SETBP1: variants seen among roughly 807,000 people sequenced by gnomAD.
SETBP1 encodes the protein SET binding protein 1.
In SETBP1, 9 loss-of-function variants were observed where a neutral mutation model predicts 101.0. That is an observed-to-expected ratio of 0.09 (90% confidence interval 0.05 to 0.16). SETBP1 has a LOEUF of 0.16. Ranked by LOEUF, SETBP1 falls within the 10% of genes least tolerant of loss-of-function variation. SETBP1 has a pLI of 1.00. For missense variants in SETBP1, 1,858 were observed against 2,033.8 expected (o/e 0.91, Z 1.66); for synonymous variants, 818 against 788.5 (o/e 1.04, Z -0.63).
chr18:44,872,289 A>G (rs1021490179), intron 3 of SETBP1: 1 of 152,158 alleles, frequency 6.6e-6, no homozygotes, highest in Admixed American at 6.5e-5. Context: ...TATACAGAAA[A>G]CCATCAGAAA....
chr18:44,976,319 C>T (rs1182586740), intron 4 of SETBP1, among the ~76,000 whole-genome samples: 4 of 152,080 alleles, frequency 2.6e-5, no homozygotes, highest in Non-Finnish European at 5.9e-5. Context: ...AAGCTTGGCT[C>T]GCATTTGAGA....
chr18:44,924,010 GT>G (rs746761493), intron 3 of SETBP1, among the ~76,000 whole-genome samples: 12 of 150,712 alleles, frequency 8.0e-5, no homozygotes, highest in East Asian at 1.9e-4. Flanking sequence ...ACTCCAGTCC[GT>G]TTTTTTTTCC....
At chr18:44,984,832 T>A (rs1568009659) in intron 4 of SETBP1, among the ~76,000 whole-genome samples, 1 of 152,182 alleles carries the variant, frequency 6.6e-6, no homozygotes, top group Non-Finnish European at 1.5e-5. Flanking sequence ...AATTTTAAGT[T>A]TACATAATTC....
intron 2 of SETBP1, among the ~76,000 whole-genome samples, chr18:44,761,818 T>A (rs2070655715): frequency 6.6e-6 from 1 of 152,228 alleles, no homozygotes. Flanking sequence ...TTTTCTTTCC[T>A]TTTTCCTGCT....
intron 2 of SETBP1, among the ~76,000 whole-genome samples, chr18:44,792,748 T>A (rs1357419395): frequency 6.6e-6 from 1 of 152,190 alleles, no homozygotes; most frequent in Non-Finnish European, 1.5e-5. Flanking sequence ...CACCTTTTTT[T>A]CTCTTTCCAA....
At chr18:44,793,647 G>A (rs1053568335) in intron 2 of SETBP1, among the ~76,000 whole-genome samples, 22 of 152,142 alleles carry the variant, frequency 1.4e-4, no homozygotes, top group Non-Finnish European at 2.6e-4. Flanking sequence ...ACTTTTTAAG[G>A]GGTGCCTACT....
intron 2 of SETBP1, among the ~76,000 whole-genome samples, chr18:44,753,606 C>G (rs2070433362): frequency 6.6e-6 from 1 of 152,180 alleles, no homozygotes; most frequent in South Asian, 2.1e-4. Context: ...TGGGCATTGG[C>G]CACCCTATCC....
chr18:44,989,153 A>G (rs1037499262), intron 4 of SETBP1: 1 of 152,224 alleles, frequency 6.6e-6, no homozygotes, highest in Non-Finnish European at 1.5e-5. Flanking sequence ...TATATCTGGA[A>G]AAATATGAAT....
intron 2 of SETBP1, among the ~76,000 whole-genome samples, chr18:44,807,788 A>G (rs565702177): frequency 1.4e-4 from 22 of 152,304 alleles, no homozygotes; most frequent in Admixed American, 1.3e-3. Context: ...GAGGAGACCA[A>G]AGTGGACAGT....
At chr18:44,836,892 C>A (rs1273425718) in intron 2 of SETBP1, among the ~76,000 whole-genome samples, 4 of 152,168 alleles carry the variant, frequency 2.6e-5, no homozygotes, top group African/African-American at 7.2e-5. Flanking sequence ...TGAGCCACTG[C>A]AGTTTTGGGG....
In SETBP1 at chr18:44,837,473, A is replaced by C. The variant is rs1195646551; in HGVS notation, c.487-31757A>C. Among the ~76,000 whole-genome samples the C allele has an allele frequency of 2.0e-5, 3 of 152,228 alleles. No homozygotes were observed. The East Asian group carries it at 5.8e-4, about 29-fold the overall frequency. On this transcript the variant is annotated intron_variant, in intron 2 of 5. Transcript: ENST00000649279. Reference sequence around the variant, plus strand: ...AATTTAATGAAATCGTTTTTATTTGATAACGGATACAGGACTATTGAATGT... The same window carrying C: ...AATTTAATGAAATCGTTTTTATTTGCTAACGGATACAGGACTATTGAATGT...
At chr18:45,018,245 A>T (rs1236155053) in intron 4 of SETBP1, among the ~76,000 whole-genome samples, 3 of 152,254 alleles carry the variant, frequency 2.0e-5, no homozygotes, top group African/African-American at 7.2e-5. Context: ...TGAATCCTCA[A>T]ATCATAAAAA....
intron 3 of SETBP1, among the ~76,000 whole-genome samples, chr18:44,892,260 G>A (rs1340880663): frequency 1.3e-5 from 2 of 152,116 alleles, no homozygotes; most frequent in Non-Finnish European, 2.9e-5. Flanking sequence ...TTGCACAAAG[G>A]CCTAGCTGTT....
At chr18:44,935,349 G>A (rs1451427389) in intron 3 of SETBP1, among the ~76,000 whole-genome samples, 1 of 152,200 alleles carries the variant, frequency 6.6e-6, no homozygotes, top group Non-Finnish European at 1.5e-5. Context: ...GGAAAAAAGG[G>A]AAACATGCGG....
At chr18:44,697,750 T>C (rs2069044074) in intron 1 of SETBP1, among the ~76,000 whole-genome samples, 1 of 152,166 alleles carries the variant, frequency 6.6e-6, no homozygotes, top group African/African-American at 2.4e-5. Flanking sequence ...CTGGGTGCAA[T>C]GTCAGTCCGG....
intron 4 of SETBP1, among the ~76,000 whole-genome samples, chr18:45,032,961 T>G (rs1471374798): frequency 6.6e-6 from 1 of 152,200 alleles, no homozygotes; most frequent in Non-Finnish European, 1.5e-5. Flanking sequence ...AAAAGGGCCT[T>G]TAATTGTTTT....
At chr18:44,833,417 G>A (rs1269633111) in intron 2 of SETBP1, among the ~76,000 whole-genome samples, 1 of 152,176 alleles carries the variant, frequency 6.6e-6, no homozygotes, top group Non-Finnish European at 1.5e-5. Flanking sequence ...GGAAGAATGA[G>A]GAGAGTCCCT....
At chr18:44,913,128 T>G (rs1269305452) in intron 3 of SETBP1, among the ~76,000 whole-genome samples, 1 of 152,230 alleles carries the variant, frequency 6.6e-6, no homozygotes, top group Admixed American at 6.5e-5. Flanking sequence ...CCTTTCCTGA[T>G]CCAGCAGATT....
At chr18:44,729,328 A>G (rs766580127) in intron 2 of SETBP1, among the ~76,000 whole-genome samples, 8 of 152,220 alleles carry the variant, frequency 5.3e-5, no homozygotes, top group South Asian at 2.1e-4. Flanking sequence ...GGAGCAAGAG[A>G]TGCCAGCTAG....
Sources: allele counts gnomAD v4.1 joint callset (sites outside exome capture counted in the v4.1 genomes callset), GRCh38; gene constraint gnomAD v4.1.1; transcripts MANE v1.5; gene names NCBI Gene and HGNC (gene_info 2026-07-23, HGNC 2026-07-21).